Variants in MPND observed in about 807,000 individuals in gnomAD.
MPND encodes the protein MPN domain-containing protein.
Under a neutral mutation model 59.2 loss-of-function variants are expected in MPND, and 56 were observed. The ratio of observed to expected loss-of-function variants is 0.95; its 90% CI spans 0.76 to 1.18. MPND has a LOEUF of 1.18. Ranked by LOEUF, MPND falls within the 50% of genes most tolerant of loss-of-function variation. The probability of loss-of-function intolerance (pLI) is 0.00; values close to 1 mark genes in which losing one functional copy is unlikely to be tolerated. For missense variants in MPND, 671 were observed against 676.0 expected (o/e 0.99, Z 0.08); for synonymous variants, 323 against 291.9 (o/e 1.11, Z -1.09).
At position 4,360,005 on chromosome 19, in the gene MPND, C is replaced by T. The variant is rs1450897230; in HGVS notation, c.*3C>T. ...GCGTCCTCAAGCAGGGGAGCTGAGC[C>T]TTCCAGGGCAGGGTGGGCTCCAGTT... is the stretch of plus-strand genomic sequence containing the variant. On this transcript the variant is annotated 3_prime_UTR_variant, in exon 13 of 13. Coordinates refer to ENST00000599840, the MANE Select transcript of MPND (RefSeq NM_001300862.2). 6.4e-7 allele frequency: 1 copy of T among 1,558,516 alleles called. No homozygotes were observed. Among genetic ancestry groups the T allele is most frequent in the Non-Finnish European group, 8.7e-7 (1 of 1,150,776 alleles).
Position 4,345,931 on chromosome 19 carries a change from A to G in MPND, c.481A>G (p.Thr161Ala). 6.2e-7 allele frequency: 1 copy of G among 1,613,474 alleles called. No individual in the cohort carries two copies. The highest frequency in any genetic ancestry group is 8.5e-7 in the Non-Finnish European group (1 of 1,179,988). ...KGQKLDKYKATWLRLHQLHTP... is the reference protein window; with the variant it reads ...KGQKLDKYKAAWLRLHQLHTP... ...CCAGAAACTGGACAAGTACAAGGCCACCTGGCTCCGGCTGCACCAGCTGCA... is the reference window on the plus strand; with the variant it reads ...CCAGAAACTGGACAAGTACAAGGCCGCCTGGCTCCGGCTGCACCAGCTGCA... The change falls in exon 3 of 13, where the codon ACC (threonine) becomes GCC (alanine). Residue 161 changes from threonine to alanine, a missense_variant. Physicochemically the swap from Thr to Ala is moderately conservative, Grantham distance 58. Transcript: ENST00000599840.
Position 4,352,911 on chromosome 19 carries a change from A to G in MPND, c.546A>G (p.Glu182=). 1.4e-6 allele frequency: 2 copies of G among 1,389,144 alleles called. No individual in the cohort carries two copies. Among genetic ancestry groups the G allele is most frequent in the Non-Finnish European group, 1.9e-6 (2 of 1,062,558 alleles). The allele number at this position is 1,389,144 out of a possible 1,614,324, so 86.1% of individuals were successfully genotyped here. ...ATAADESPAS[E]GEEEELLMEE... is the part of the protein sequence containing the mutation. ...AACCCCTGCAGAGCCCAGCCAGTGA[A>G]GGGGAGGAGGAGGAGTTGCTGATGG... The change falls in exon 4 of 13, where the codon GAA becomes GAG. Residue 182 remains glutamate (E), a synonymous_variant. Transcript: ENST00000599840.
chr19:4,347,662 A>G, intron 3 of MPND: 1 of 358,182 alleles, frequency 2.8e-6, no homozygotes, highest in Non-Finnish European at 5.3e-6. Context: ...TGAGGTTTTT[A>G]AACTTGTGAC....
At chr19:4,358,738 G>A (rs981983849) in intron 11 of MPND, among the ~76,000 whole-genome samples, 1 of 152,202 alleles carries the variant, frequency 6.6e-6, no homozygotes, top group African/African-American at 2.4e-5. Flanking sequence ...AGTGAGCCGA[G>A]ATCACGCCAC....
intron 6 of MPND, 148 bp downstream of exon 6, chr19:4,354,568 T>G (rs999414990): frequency 1.4e-6 from 1 of 694,402 alleles, no homozygotes; most frequent in Non-Finnish European, 2.4e-6. Context: ...TCAATAAATG[T>G]ATGAAGGAGG....
intron 12 of MPND, 138 bp from the exon 13 acceptor site, chr19:4,359,778 C>G: frequency 1.6e-6 from 1 of 637,386 alleles, no homozygotes; most frequent in Non-Finnish European, 2.7e-6. Flanking sequence ...AAGCAGCAGG[C>G]TGTGCTGCGG....
chr19:4,358,274 G>A, intron 11 of MPND, 102 bp downstream of exon 11: 1 of 1,064,658 alleles, frequency 9.4e-7, no homozygotes, highest in Non-Finnish European at 1.4e-6. Flanking sequence ...AGCTATGGCT[G>A]GTGGCGCCTT....
Position 4,358,134 on chromosome 19 carries a change from C to T in MPND, c.1288C>T (p.Gln430Ter). 2.6e-6 allele frequency: 4 copies of T among 1,551,506 alleles called. No homozygotes were observed. The highest frequency in any genetic ancestry group is 3.5e-6 in the Non-Finnish European group (4 of 1,146,978). ...IPMDVEMAYVQDSFLTNDILH... is the reference protein window; with the variant it reads ...IPMDVEMAYV ...CATGGATGTGGAGATGGCCTACGTC[C>T]AGGACAGCTTCCTGACCAATGACAT... The change falls in exon 11 of 13, where the codon CAG becomes TAG. Residue 430 changes from glutamine to a stop codon, truncating the protein, a stop_gained. Transcript: ENST00000599840. LOFTEE classifies it high-confidence loss of function.
chr19:4,343,964 T>C lies in MPND; in HGVS notation c.264T>C (p.Pro88=). 1 of 1,385,396 alleles carries C rather than the reference T, an allele frequency of 7.2e-7. No individual in the cohort carries two copies. Among genetic ancestry groups the C allele is most frequent in the Non-Finnish European group, 9.4e-7 (1 of 1,068,840 alleles). 85.8% of individuals were successfully genotyped at this position (1,385,396 alleles called of 1,614,324 possible). A position where few individuals can be genotyped will look rare whatever the true frequency, so the allele number is the denominator to read the frequency against. ...RVLLKDALLE[P]GAGVLSIYYL... is the part of the protein sequence containing the mutation. ...TCCTCAAAGACGCGCTGCTGGAGCC[T>C]GGCGCCGGGGTGCTGTCCATCTACT... Residue 88 remains proline (P), a synonymous_variant, in exon 2 of 13, where the codon CCT becomes CCC. Transcript: ENST00000599840.
intron 8 of MPND, among the ~76,000 whole-genome samples, chr19:4,356,004 C>A (rs939903015): frequency 6.6e-6 from 1 of 151,836 alleles, no homozygotes; most frequent in Non-Finnish European, 1.5e-5. Context: ...CAGGTGTGCG[C>A]CACCATCTCC....
At chr19:4,347,238 G>T (rs1030448783) in intron 3 of MPND, 2 of 146,870 alleles carry the variant, frequency 1.4e-5, no homozygotes, top group East Asian at 3.9e-4. Flanking sequence ...TCTTTTCGTA[G>T]ATATGTTTTT....
Position 4,345,686 on chromosome 19 carries a change from C to G in MPND, c.295-59C>G, listed in dbSNP as rs1248531865. 7.2e-6 allele frequency: 11 copies of G among 1,537,034 alleles called. No individual in the cohort carries two copies. In the East Asian group the frequency reaches 1.6e-4, roughly 22 times the overall value. Reference sequence around the variant, plus strand: ...GAGCGTAGGTCTGGGGAGGACCCCCCGGGAGAGAGGGCATGGTGGGTGTTG... The same window carrying G: ...GAGCGTAGGTCTGGGGAGGACCCCCGGGGAGAGAGGGCATGGTGGGTGTTG... On this transcript the variant is annotated intron_variant, in intron 2 of 12. Transcript: ENST00000599840.
rs750610560 is a variant in MPND, at chr19:4,357,582, C to T, written c.1233C>T (p.Pro411=). Reference sequence around the variant, plus strand: ...CACCTTTCTGGGTGATGCCTCCTCCCGAGGTAGGTGGGGCTGTTGGGAGAG... The same window carrying T: ...CACCTTTCTGGGTGATGCCTCCTCCTGAGGTAGGTGGGGCTGTTGGGAGAG... ...KISPFWVMPP[P]EQRPSDYGIP... is the part of the protein sequence containing the mutation. The change falls in exon 10 of 13, where the codon CCC becomes CCT. Residue 411 remains proline (P), a synonymous_variant. Coordinates refer to ENST00000599840, the MANE Select transcript of MPND (RefSeq NM_001300862.2). The T allele has an allele frequency of 9.9e-6, 16 of 1,611,140 alleles. No homozygotes were observed. The highest frequency in any genetic ancestry group is 2.2e-5 in the South Asian group (2 of 90,368).
intron 5 of MPND, 91 bp from the exon 6 acceptor site, chr19:4,354,233 C>CCCCACAG: frequency 6.7e-7 from 1 of 1,494,660 alleles, no homozygotes; most frequent in Non-Finnish European, 9.1e-7. Flanking sequence ...AGCCTCAGAT[C>CCCCACAG]CTCAGAGCTG....
At chr19:4,344,600 G>A (rs920377477) in intron 2 of MPND, among the ~76,000 whole-genome samples, 17 of 152,198 alleles carry the variant, frequency 1.1e-4, no homozygotes, top group South Asian at 1.0e-3. Context: ...GCAACACCCC[G>A]GCCTTCCTGT....
intron 11 of MPND, 72 bp from the exon 12 acceptor site, chr19:4,359,091 A>C (rs1357945413): frequency 1.1e-4 from 108 of 1,008,144 alleles, no homozygotes; most frequent in Non-Finnish European, 1.6e-4. Context: ...CTGAGACTGG[A>C]ACCCCAGGAG....
intron 11 of MPND, 55 bp from the exon 12 acceptor site, chr19:4,359,108 T>C: frequency 7.9e-7 from 1 of 1,265,270 alleles, no homozygotes. Context: ...GGAGAGGCGC[T>C]GAGGTACCTC....
chr19:4,343,638 G>A, intron 1 of MPND, 38 bp downstream of exon 1: 1 of 1,205,746 alleles, frequency 8.3e-7, no homozygotes, highest in Non-Finnish European at 1.0e-6. Context: ...GCGGGGCGCG[G>A]GGCTGCAGGG....
intron 3 of MPND, among the ~76,000 whole-genome samples, chr19:4,350,347 C>A (rs1397112453): frequency 6.6e-6 from 1 of 151,830 alleles, no homozygotes; most frequent in African/African-American, 2.4e-5. Context: ...GGGCTTTGAC[C>A]GGGAGGAAGG....
Sources: allele counts gnomAD v4.1 joint callset (sites outside exome capture counted in the v4.1 genomes callset), GRCh38; gene constraint gnomAD v4.1.1; transcripts MANE v1.5; gene names NCBI Gene and HGNC (gene_info 2026-07-23, HGNC 2026-07-21).